Variants in MMS22L observed in about 807,000 individuals in gnomAD.
MMS22L encodes MMS22 like, DNA repair protein.
MMS22L carries 74 observed loss-of-function variants against 159.1 expected under a neutral mutation model. The ratio of observed to expected loss-of-function variants is 0.47; its 90% CI spans 0.39 to 0.56. MMS22L has a LOEUF of 0.56. Ranked by LOEUF, MMS22L falls within the 20% of genes least tolerant of loss-of-function variation. The pLI, the probability that MMS22L is intolerant of heterozygous loss-of-function variation, is 0.00. For missense variants in MMS22L, 1,351 were observed against 1,422.1 expected (o/e 0.95, Z 0.80); for synonymous variants, 517 against 506.9 (o/e 1.02, Z -0.27).
chr6:97,160,447 C>A (rs774902246), intron 22 of MMS22L, among the ~76,000 whole-genome samples: 1 of 151,960 alleles, frequency 6.6e-6, no homozygotes, highest in East Asian at 1.9e-4. Context: ...TGTCTCTGGC[C>A]CCCAGTTTCC....
intron 14 of MMS22L, among the ~76,000 whole-genome samples, chr6:97,215,114 ATT>A (rs1554266841): frequency 0.022 from 1,892 of 87,178 alleles, 43 homozygotes; most frequent in African/African-American, 0.063. Flanking sequence ...ATATATATAT[ATT>A]TTTTTTTTGC....
intron 10 of MMS22L, among the ~76,000 whole-genome samples, chr6:97,252,700 C>T (rs1813372896): frequency 6.6e-6 from 1 of 151,148 alleles, no homozygotes; most frequent in African/African-American, 2.4e-5. Context: ...CTGATAGGCA[C>T]CTAATATTAT....
chr6:97,151,802 C>G lies in MMS22L; in HGVS notation c.3451G>C (p.Glu1151Gln), dbSNP rs1386861853. 6.2e-7 allele frequency: 1 copy of G among 1,613,618 alleles called. No homozygotes were observed. Among genetic ancestry groups the G allele is most frequent in the Non-Finnish European group, 8.5e-7 (1 of 1,179,660 alleles). The change falls in exon 23 of 25, where the codon GAA (glutamate) becomes CAA (glutamine). Residue 1151 changes from glutamate (E) to glutamine (Q), a missense_variant. By Grantham distance (29) the Glu-to-Gln change is conservative. Transcript: ENST00000683635. Reference sequence around the variant, plus strand: ...ACAGAAGTCAGCTGGGAGGAAGGTTCTTCTTCTGACCCCACTTGGCAGGCT... The same window carrying G: ...ACAGAAGTCAGCTGGGAGGAAGGTTGTTCTTCTGACCCCACTTGGCAGGCT... ...VKACQVGSEEEPSSQLTSVFR... is the reference protein window; with the variant it reads ...VKACQVGSEEQPSSQLTSVFR...
chr6:97,147,146 C>T (rs186505590), intron 24 of MMS22L, among the ~76,000 whole-genome samples: 393 of 151,980 alleles, frequency 2.6e-3, no homozygotes, highest in Non-Finnish European at 4.2e-3. Flanking sequence ...ATTAACCTTC[C>T]GAAATATTAT....
intron 19 of MMS22L, 99 bp downstream of exon 19, chr6:97,172,964 T>C (rs1803701895): frequency 1.8e-6 from 2 of 1,112,030 alleles, no homozygotes; most frequent in Admixed American, 5.3e-5. Flanking sequence ...TATGATTGTA[T>C]GGAGGGTAGT....
chr6:97,195,693 A>G lies in MMS22L; in HGVS notation c.2040-9003T>C, dbSNP rs575405863. On this transcript the variant is annotated intron_variant, in intron 14 of 24. Transcript: ENST00000683635. ...AGACTTCATTCTTAAAGTGGTAAGA[A>G]GACACTGAAGGATTCTGAACTGGAG... is the stretch of plus-strand genomic sequence containing the variant. Among the ~76,000 whole-genome samples, 4 of 152,312 alleles carry G rather than the reference A, an allele frequency of 2.6e-5. No homozygotes were observed. In the East Asian group the frequency reaches 7.7e-4, roughly 29 times the overall value.
chr6:97,248,786 G>C (rs1295586198), intron 10 of MMS22L, among the ~76,000 whole-genome samples: 1 of 151,992 alleles, frequency 6.6e-6, no homozygotes, highest in Non-Finnish European at 1.5e-5. Context: ...TTGAACCCAG[G>C]AGGCAGAGGT....
intron 3 of MMS22L, among the ~76,000 whole-genome samples, chr6:97,280,725 G>T (rs531861431): frequency 3.3e-5 from 5 of 152,226 alleles, no homozygotes; most frequent in African/African-American, 9.6e-5. Context: ...GCCAAAAGAA[G>T]AGGAGACAAG....
At chr6:97,250,830 T>C (rs1344173072) in intron 10 of MMS22L, among the ~76,000 whole-genome samples, 1 of 152,172 alleles carries the variant, frequency 6.6e-6, no homozygotes, top group Non-Finnish European at 1.5e-5. Flanking sequence ...TATAGATATT[T>C]CTCTGGTGAA....
intron 14 of MMS22L, among the ~76,000 whole-genome samples, chr6:97,210,543 T>C (rs1393216869): frequency 6.6e-6 from 1 of 151,982 alleles, no homozygotes; most frequent in Non-Finnish European, 1.5e-5. Context: ...AACAAGTTCA[T>C]ATATTTAAGT....
Position 97,282,326 on chromosome 6 carries a change from C to G in MMS22L, c.152G>C (p.Gly51Ala). 6.2e-7 allele frequency: 1 copy of G among 1,613,990 alleles called. No individual in the cohort carries two copies. The highest frequency in any genetic ancestry group is 1.1e-5 in the South Asian group (1 of 91,064). Residue 51 changes from glycine to alanine, a missense_variant, in exon 2 of 25, where the codon GGA becomes GCA. By Grantham distance (60) the Gly-to-Ala change is moderately conservative. Transcript: ENST00000683635. Reference sequence around the variant, plus strand: ...GAGTTTTACCTACCGCTTAAGGGCTCCGCTGCAGAGGTAGGATTCTCCAGA... The same window carrying G: ...GAGTTTTACCTACCGCTTAAGGGCTGCGCTGCAGAGGTAGGATTCTCCAGA... ...HFSGESYLCS[G>A]ALKRLILNLD...
intron 10 of MMS22L, among the ~76,000 whole-genome samples, chr6:97,249,654 A>C (rs1813035735): frequency 1.3e-5 from 2 of 152,040 alleles, no homozygotes; most frequent in Non-Finnish European, 2.9e-5. Flanking sequence ...AAATCAAAGA[A>C]TGAATTCAAA....
chr6:97,245,593 A>G (rs1186070086), intron 11 of MMS22L, among the ~76,000 whole-genome samples: 1 of 152,196 alleles, frequency 6.6e-6, no homozygotes, highest in Non-Finnish European at 1.5e-5. Flanking sequence ...TGAACATGAT[A>G]TAGGACAAAA....
At chr6:97,194,702 A>G (rs1376368888) in intron 14 of MMS22L, among the ~76,000 whole-genome samples, 1 of 152,200 alleles carries the variant, frequency 6.6e-6, no homozygotes, top group African/African-American at 2.4e-5. Flanking sequence ...CTCTATAGGT[A>G]TAAGTGCAAA....
At chr6:97,165,151 C>T (rs576834723) in intron 21 of MMS22L, 95 bp downstream of exon 21, 3 of 1,047,106 alleles carry the variant, frequency 2.9e-6, no homozygotes, top group Non-Finnish European at 4.3e-6. Context: ...CTACTAGTAT[C>T]CTAAGGGTTG....
chr6:97,150,792 TTA>T (rs1388669131), intron 23 of MMS22L, among the ~76,000 whole-genome samples: 1 of 151,940 alleles, frequency 6.6e-6, no homozygotes, highest in African/African-American at 2.4e-5. Context: ...CGAACGCAAA[TTA>T]TTTCTCATGG....
chr6:97,161,425 G>A (rs114901341), intron 22 of MMS22L, among the ~76,000 whole-genome samples: 273 of 152,112 alleles, frequency 1.8e-3, no homozygotes, highest in African/African-American at 6.4e-3. Context: ...CTCCTTTGAG[G>A]TCAGTGCTTG....
intron 22 of MMS22L, among the ~76,000 whole-genome samples, chr6:97,158,940 G>GT (rs1802138581): frequency 6.6e-6 from 1 of 151,626 alleles, no homozygotes; most frequent in Admixed American, 6.6e-5. Context: ...GTGTGGGAGT[G>GT]TAAGTCTCTT....
chr6:97,232,145 G>T (rs892462397), intron 12 of MMS22L, among the ~76,000 whole-genome samples: 1 of 152,026 alleles, frequency 6.6e-6, no homozygotes, highest in African/African-American at 2.4e-5. Context: ...TTTTTGACAA[G>T]AATCTTTCAT....
Sources: allele counts gnomAD v4.1 joint callset (sites outside exome capture counted in the v4.1 genomes callset), GRCh38; gene constraint gnomAD v4.1.1; transcripts MANE v1.5; gene names NCBI Gene and HGNC (gene_info 2026-07-23, HGNC 2026-07-21).